The following NME9 variants were observed in gnomAD, a reference collection of about 807,000 sequenced individuals.
The protein encoded by NME9 is thioredoxin domain-containing protein 6.
NME9 carries 48 observed loss-of-function variants against 44.4 expected under a neutral mutation model. The observed-to-expected ratio is 1.08, with a 90% CI of 0.86 to 1.37. NME9 has a LOEUF of 1.37. Among genes scored for constraint, NME9 ranks in the 40% most tolerant of loss-of-function variants. The probability of loss-of-function intolerance (pLI) is 0.00; values close to 1 mark genes in which losing one functional copy is unlikely to be tolerated. For missense variants in NME9, 325 were observed against 405.2 expected (o/e 0.80, Z 1.70); for synonymous variants, 139 against 147.1 (o/e 0.94, Z 0.40).
chr3:138,264,989 C>T (rs994252217), intron 8 of NME9, among the ~76,000 whole-genome samples: 1 of 151,874 alleles, frequency 6.6e-6, no homozygotes, highest in Non-Finnish European at 1.5e-5. Flanking sequence ...CCTTGTGCCC[C>T]CCGGCCCAAG....
At chr3:138,328,637 C>T (rs2108473368) in intron 1 of NME9, among the ~76,000 whole-genome samples, 1 of 152,284 alleles carries the variant, frequency 6.6e-6, no homozygotes, top group Non-Finnish European at 1.5e-5. Context: ...ACCAAGCACT[C>T]TCTCCTAATT....
rs1357119942 is a variant in NME9 at position 138,306,108 on chromosome 3, A to ATTCTAAAAGGG, written c.544-13_544-12insCCCTTTTAGAA. 4.4e-5 allele frequency: 67 copies of ATTCTAAAAGGG among 1,530,038 alleles called. No individual in the cohort carries two copies. Among genetic ancestry groups the ATTCTAAAAGGG allele is most frequent in the Non-Finnish European group, 5.5e-5 (61 of 1,104,850 alleles). 94.8% of individuals were successfully genotyped at this position (1,530,038 alleles called of 1,614,324 possible). On this transcript the variant is annotated splice_polypyrimidine_tract_variant and intron_variant, in intron 7 of 10. Transcript: ENST00000333911. ...CCAGCTTCCTGAATCTGTAGAATAT[A>ATTCTAAAAGGG]TATAAATATTCTAAAAGGGTAAATC...
chr3:138,306,002 A>T lies in NME9; in HGVS notation c.636+2T>A. On this transcript the variant is annotated splice_donor_variant, in intron 8 of 10. Coordinates refer to ENST00000333911, the MANE Select transcript of NME9 (RefSeq NM_001349018.2). LOFTEE classifies it high-confidence loss of function. ...TGAACTTGTGGAAGTAGATGAGCTG[A>T]CCTCTCCAGCTTTGTGTTGGTAGAA... is the stretch of plus-strand genomic sequence containing the variant. 6.3e-7 allele frequency: 1 copy of T among 1,589,216 alleles called. No individual in the cohort carries two copies. Among genetic ancestry groups the T allele is most frequent in the Non-Finnish European group, 8.6e-7 (1 of 1,157,452 alleles).
At chr3:138,273,161 T>C (rs749868961) in intron 8 of NME9, 32 of 1,570,382 alleles carry the variant, frequency 2.0e-5, no homozygotes, top group Non-Finnish European at 2.8e-5. Flanking sequence ...GCCCTGCATA[T>C]GCATTGCAAG....
intron 6 of NME9, among the ~76,000 whole-genome samples, chr3:138,312,244 T>G (rs1411068169): frequency 6.6e-6 from 1 of 152,098 alleles, no homozygotes; most frequent in Non-Finnish European, 1.5e-5. Context: ...CCAAAGACAT[T>G]CTTCTCAGAA....
At chr3:138,263,591 C>A in intron 8 of NME9, 1 of 716,224 alleles carries the variant, frequency 1.4e-6, no homozygotes, top group East Asian at 2.6e-5. Flanking sequence ...GCTGCCCGCC[C>A]CCAGCGCAAG....
At chr3:138,278,469 A>T (rs1263866654) in intron 8 of NME9, among the ~76,000 whole-genome samples, 1 of 151,774 alleles carries the variant, frequency 6.6e-6, no homozygotes, top group Non-Finnish European at 1.5e-5. Flanking sequence ...ACACCACTGC[A>T]CTCCAGCCTG....
exon 9 of NME9, chr3:138,262,131 GAA>G: frequency 6.3e-6 from 1 of 158,020 alleles, no homozygotes; most frequent in Non-Finnish European, 1.4e-5. Flanking sequence ...GGAGGACAGT[GAA>G]AAAGGGAAAC....
At chr3:138,274,261 A>G (rs1038248846) in intron 8 of NME9, among the ~76,000 whole-genome samples, 2 of 146,746 alleles carry the variant, frequency 1.4e-5, no homozygotes, top group African/African-American at 5.3e-5. Flanking sequence ...GTGTGTGTGT[A>G]TGACATATTT....
At chr3:138,294,722 C>G (rs909905788) in intron 8 of NME9, among the ~76,000 whole-genome samples, 1 of 152,110 alleles carries the variant, frequency 6.6e-6, no homozygotes, top group Non-Finnish European at 1.5e-5. Context: ...AACCTGACTT[C>G]CTAACTCCCA....
intron 8 of NME9, among the ~76,000 whole-genome samples, chr3:138,274,232 CATGTGTGTGT>C (rs2049055432): frequency 1.4e-5 from 2 of 145,284 alleles, no homozygotes; most frequent in African/African-American, 5.5e-5. Context: ...TGTGTATATA[CATGTGTGTGT>C]GTGTGTGTGT....
intron 8 of NME9, among the ~76,000 whole-genome samples, chr3:138,271,170 A>G (rs2048753790): frequency 6.6e-6 from 1 of 152,156 alleles, no homozygotes; most frequent in Non-Finnish European, 1.5e-5. Flanking sequence ...AAAGCAACAA[A>G]TCTGTAGTTT....
chr3:138,282,558 A>T (rs1052727581), intron 8 of NME9, among the ~76,000 whole-genome samples: 39 of 147,656 alleles, frequency 2.6e-4, no homozygotes, highest in East Asian at 2.2e-3. Context: ...GGCAGGGAGC[A>T]TTGCTTGAAC....
intron 1 of NME9, among the ~76,000 whole-genome samples, chr3:138,328,934 C>T (rs1362856687): frequency 3.3e-5 from 5 of 152,200 alleles, no homozygotes; most frequent in Admixed American, 3.3e-4. Flanking sequence ...ATTCTCTGTG[C>T]AAGCTGCAGT....
At chr3:138,267,075 T>TTATTTA in intron 8 of NME9, 1 of 769,108 alleles carries the variant, frequency 1.3e-6, no homozygotes, top group Non-Finnish European at 2.0e-6. Flanking sequence ...GTTCTTGTTT[T>TTATTTA]TATTTATATT....
At chr3:138,275,510 G>C (rs1395135115) in intron 8 of NME9, among the ~76,000 whole-genome samples, 3 of 151,918 alleles carry the variant, frequency 2.0e-5, no homozygotes, top group African/African-American at 7.3e-5. Flanking sequence ...AGTGATCCAA[G>C]ATAGCACCAC....
intron 2 of NME9, chr3:138,324,352 G>A (rs542626344): frequency 4.8e-5 from 20 of 420,132 alleles, no homozygotes; most frequent in South Asian, 3.3e-4. Flanking sequence ...CTGGACTCCT[G>A]ACCCACAGAA....
At chr3:138,263,652 A>T (rs2047977775) in intron 8 of NME9, 18 of 1,155,998 alleles carry the variant, frequency 1.6e-5, no homozygotes, top group Non-Finnish European at 2.4e-5. Context: ...TTAAACTTTT[A>T]ATGGATGTTA....
chr3:138,295,192 C>G lies in NME9; in HGVS notation c.745+8315G>C, dbSNP rs561616992. ...GGAATTACAGGTGTGAGCCACAGCA[C>G]CCGGCCTACATTCTATCTTTTCCTT... On this transcript the variant is annotated intron_variant, in intron 8 of 8. Coordinates refer to the NME9 transcript ENST00000317876. 7.2e-5 allele frequency among the ~76,000 whole-genome samples: 11 copies of G among 152,310 alleles called. No individual in the cohort carries two copies. In the South Asian group the frequency reaches 2.3e-3, roughly 32 times the overall value.
Sources: gnomAD v4.1 joint callset for allele counts (sites outside exome capture counted in the v4.1 genomes callset) on GRCh38, gnomAD v4.1.1 for gene constraint, MANE v1.5 for transcripts, NCBI Gene and HGNC (gene_info 2026-07-23, HGNC 2026-07-21) for gene names.